Variants in HIGD1C observed in about 807,000 individuals in gnomAD.
HIGD1C encodes the protein HIG1 hypoxia inducible domain family member 1C.
In HIGD1C, 11 loss-of-function variants were observed where a neutral mutation model predicts 13.1. The ratio of observed to expected loss-of-function variants is 0.84; its 90% confidence interval spans 0.53 to 1.39. The LOEUF (loss-of-function observed/expected upper bound fraction) is 1.39. HIGD1C is among the 40% of genes most tolerant of loss of function. The pLI is 0.00. For synonymous variants in HIGD1C, 36 were observed against 37.7 expected, an observed-to-expected ratio of 0.95 and a Z score of 0.17; for missense variants, 110 against 112.0, an observed-to-expected ratio of 0.98 and a Z score of 0.08.
chr12:50,965,806 G>A (rs982702810), intron 2 of HIGD1C, among the ~76,000 whole-genome samples: 8 of 152,220 alleles, frequency 5.3e-5, no homozygotes, highest in Admixed American at 6.5e-5. Context: ...GGAAAGGCTA[G>A]AAGGAAGACT....
upstream of HIGD1C, among the ~76,000 whole-genome samples, chr12:50,951,228 T>C (rs537598971): frequency 2.0e-5 from 3 of 152,246 alleles, no homozygotes; most frequent in South Asian, 6.2e-4. Flanking sequence ...ATGAAAGCAG[T>C]GGTGTGCTAG....
intron 2 of HIGD1C, among the ~76,000 whole-genome samples, chr12:50,962,364 T>C (rs1002227310): frequency 6.6e-6 from 1 of 151,268 alleles, no homozygotes; most frequent in Non-Finnish European, 1.5e-5. Flanking sequence ...TGAGCCGAGA[T>C]CATGCCTTTG....
At chr12:50,940,281 C>T in the HIGD1C span, among the ~76,000 whole-genome samples, 1 of 152,074 alleles carries the variant, frequency 6.6e-6, no homozygotes, top group African/African-American at 2.4e-5. Flanking sequence ...AGTATTAGAA[C>T]TATAAAAGAA....
At chr12:50,940,241 C>T in the HIGD1C span, among the ~76,000 whole-genome samples, 3 of 152,160 alleles carry the variant, frequency 2.0e-5, no homozygotes, top group Non-Finnish European at 4.4e-5. Context: ...CTAATCTTGG[C>T]TCCCATCTTA....
chr12:50,931,421 G>A, the HIGD1C span: 2 of 151,772 alleles, frequency 1.3e-5, no homozygotes. Flanking sequence ...TAAAAAAAGA[G>A]ACAGGGGGCT....
the HIGD1C span, among the ~76,000 whole-genome samples, chr12:50,937,729 C>T: frequency 6.6e-6 from 1 of 152,058 alleles, no homozygotes; most frequent in African/African-American, 2.4e-5. Flanking sequence ...TCTCAGGAGA[C>T]CTGAAGTGGG....
chr12:50,941,135 A>G, the HIGD1C span, among the ~76,000 whole-genome samples: 1 of 152,042 alleles, frequency 6.6e-6, no homozygotes, highest in Non-Finnish European at 1.5e-5. Flanking sequence ...CAAAGTGCTG[A>G]GCCACCATAC....
intron 1 of HIGD1C, among the ~76,000 whole-genome samples, chr12:50,957,714 A>G (rs1174120797): frequency 1.3e-5 from 2 of 151,454 alleles, no homozygotes; most frequent in African/African-American, 4.8e-5. Context: ...GCAAAACCCC[A>G]TGTCTACTAA....
At chr12:50,968,030 G>A (rs1043332918) in intron 2 of HIGD1C, among the ~76,000 whole-genome samples, 10 of 152,134 alleles carry the variant, frequency 6.6e-5, no homozygotes, top group African/African-American at 1.7e-4. Flanking sequence ...GAGGCTGCAT[G>A]AGCCTTGCTC....
At chr12:50,963,702 T>A (rs1939434782) in intron 2 of HIGD1C, among the ~76,000 whole-genome samples, 1 of 152,192 alleles carries the variant, frequency 6.6e-6, no homozygotes, top group African/African-American at 2.4e-5. Flanking sequence ...CGCAACAGTG[T>A]CTTCCAGACA....
chr12:50,970,107 G>A (rs1939708355), intron 2 of HIGD1C, among the ~76,000 whole-genome samples: 1 of 152,180 alleles, frequency 6.6e-6, no homozygotes, highest in African/African-American at 2.4e-5. Context: ...AGTACAAGTA[G>A]AGACTGAATA....
intron 2 of HIGD1C, among the ~76,000 whole-genome samples, chr12:50,961,353 G>A (rs1315444698): frequency 6.6e-6 from 1 of 152,162 alleles, no homozygotes; most frequent in Non-Finnish European, 1.5e-5. Flanking sequence ...CTTTAGTGAA[G>A]GGAGTGGTGA....
the HIGD1C span, among the ~76,000 whole-genome samples, chr12:50,933,390 A>G: frequency 6.6e-6 from 1 of 152,266 alleles, no homozygotes; most frequent in African/African-American, 2.4e-5. Flanking sequence ...TTGGTTAGGA[A>G]TCCTTTGATT....
the HIGD1C span, among the ~76,000 whole-genome samples, chr12:50,944,454 A>C: frequency 6.6e-6 from 1 of 152,198 alleles, no homozygotes; most frequent in African/African-American, 2.4e-5. Context: ...TTGGGAGTTC[A>C]AGATCAGCCT....
intron 1 of HIGD1C, among the ~76,000 whole-genome samples, chr12:50,955,932 G>C (rs529046977): frequency 3.2e-4 from 49 of 152,272 alleles, no homozygotes; most frequent in African/African-American, 1.1e-3. Context: ...AAAGATAAAA[G>C]TGTTTCCAGC....
chr12:50,934,112 G>T, the HIGD1C span, among the ~76,000 whole-genome samples: 2 of 152,312 alleles, frequency 1.3e-5, no homozygotes, highest in African/African-American at 4.8e-5. Flanking sequence ...TGCAATGGAT[G>T]CTAGGAAGGC....
chr12:50,967,615 G>T (rs895640629), intron 2 of HIGD1C, among the ~76,000 whole-genome samples: 3 of 152,150 alleles, frequency 2.0e-5, no homozygotes, highest in South Asian at 4.1e-4. Context: ...GCTACTAAAT[G>T]CCATGGACTG....
chr12:50,931,912 C>A, the HIGD1C span: 1 of 152,088 alleles, frequency 6.6e-6, no homozygotes, highest in Non-Finnish European at 1.5e-5. Context: ...ATTTGTTATT[C>A]TTAGCGTCAC....
chr12:50,966,719 A>C (rs1334161510), intron 2 of HIGD1C, among the ~76,000 whole-genome samples: 1 of 152,234 alleles, frequency 6.6e-6, no homozygotes, highest in Non-Finnish European at 1.5e-5. Context: ...AAGGAGTCTC[A>C]CTAAAATTTA....
Sources: allele counts gnomAD v4.1 joint callset (sites outside exome capture counted in the v4.1 genomes callset), GRCh38; gene constraint gnomAD v4.1.1; transcripts MANE v1.5; gene names NCBI Gene and HGNC (gene_info 2026-07-23, HGNC 2026-07-21).